Variants in PLEKHA8 observed in about 807,000 individuals in gnomAD.
The protein encoded by PLEKHA8 is pleckstrin homology domain-containing family A member 8.
PLEKHA8 carries 36 observed loss-of-function variants against 68.2 expected under a neutral mutation model. The ratio of observed to expected loss-of-function variants is 0.53; its 90% confidence interval spans 0.40 to 0.70. The LOEUF (loss-of-function observed/expected upper bound fraction) is 0.70. PLEKHA8 is among the 30% of genes least tolerant of loss of function. The pLI is 0.00. For missense variants in PLEKHA8, 505 were observed against 615.4 expected (o/e 0.82, Z 1.90); for synonymous variants, 211 against 216.1 (o/e 0.98, Z 0.20).
At chr7:30,118,192 C>T in intron 13 of PLEKHA8, 1 of 467,384 alleles carries the variant, frequency 2.1e-6, no homozygotes, top group Non-Finnish European at 3.6e-6. Flanking sequence ...GTGAGAGTAT[C>T]CTGAGTTAAG....
In PLEKHA8 at chr7:30,095,974, G is replaced by T. The variant is rs958153390; in HGVS notation, c.1362+21842G>T. Among the ~76,000 whole-genome samples, 53 of 152,214 alleles carry T rather than the reference G, an allele frequency of 3.5e-4. 1 individual carries two copies. Among genetic ancestry groups the T allele is most frequent in the Middle Eastern group, 3.4e-3 (1 of 294 alleles). On this transcript the variant is annotated intron_variant, in intron 13 of 13. Transcript: ENST00000396257. ...CAGGTAGCGTGATGCCTCCAGCTTT[G>T]TTTTTTTGGCTTAGGATTGACTTGG...
Position 30,065,713 on chromosome 7 carries a change from CACTT to C in PLEKHA8, c.1300+2974_1300+2977del, listed in dbSNP as rs149017841. Among the ~76,000 whole-genome samples the C allele has an allele frequency of 1.8e-3, 271 of 152,280 alleles. 3 individuals are homozygous for C. In the East Asian group the frequency reaches 0.031, roughly 18 times the overall value. On this transcript the variant is annotated intron_variant, in intron 12 of 13. Transcript: ENST00000449726. ...TAAAGTTGAATTTAAAAACAGCTAT[CACTT>C]ACAGAGCACCCAGTGTAACTACTAC...
At chr7:30,041,479 G>A (rs1791531035) in intron 1 of PLEKHA8, among the ~76,000 whole-genome samples, 1 of 149,598 alleles carries the variant, frequency 6.7e-6, no homozygotes, top group Admixed American at 6.7e-5. Context: ...GAGTGCAGTG[G>A]CGTGATCATA....
intron 13 of PLEKHA8, among the ~76,000 whole-genome samples, chr7:30,098,417 C>A (rs1026644253): frequency 2.0e-5 from 3 of 152,260 alleles, no homozygotes; most frequent in African/African-American, 7.2e-5. Flanking sequence ...GTGCCCTGCC[C>A]CCAGAGGTGG....
At chr7:30,114,845 C>G (rs901000176) in intron 13 of PLEKHA8, among the ~76,000 whole-genome samples, 1 of 152,078 alleles carries the variant, frequency 6.6e-6, no homozygotes, top group Admixed American at 6.6e-5. Flanking sequence ...CATCATGGTT[C>G]CTGGACCATC....
intron 13 of PLEKHA8, among the ~76,000 whole-genome samples, chr7:30,119,892 A>G (rs1024721511): frequency 6.6e-6 from 1 of 152,212 alleles, no homozygotes; most frequent in Non-Finnish European, 1.5e-5. Flanking sequence ...GACACTAAAT[A>G]TAACTCTTTC....
chr7:30,095,471 A>G (rs1795576739), downstream of PLEKHA8, among the ~76,000 whole-genome samples: 1 of 152,174 alleles, frequency 6.6e-6, no homozygotes, highest in South Asian at 2.1e-4. Flanking sequence ...CCCATTCTGT[A>G]GGTTGCCTGT....
At chr7:30,044,020 TAGTC>T (rs1411986811) in intron 1 of PLEKHA8, among the ~76,000 whole-genome samples, 1 of 150,900 alleles carries the variant, frequency 6.6e-6, no homozygotes, top group Non-Finnish European at 1.5e-5. Flanking sequence ...TACGCAGAGA[TAGTC>T]AGGGATGATT....
intron 13 of PLEKHA8, among the ~76,000 whole-genome samples, chr7:30,107,683 C>G (rs12701006): frequency 6.6e-6 from 1 of 152,114 alleles, no homozygotes; most frequent in Non-Finnish European, 1.5e-5. Context: ...GCTATAGGTT[C>G]TTTGGTAGCT....
At chr7:30,102,786 A>C (rs142121565) in intron 13 of PLEKHA8, among the ~76,000 whole-genome samples, 324 of 152,356 alleles carry the variant, frequency 2.1e-3, no homozygotes, top group African/African-American at 7.5e-3. Flanking sequence ...GGTGGCTCAC[A>C]CTTTAATCCC....
chr7:30,031,060 T>G (rs914851265), intron 1 of PLEKHA8, among the ~76,000 whole-genome samples: 3 of 152,208 alleles, frequency 2.0e-5, no homozygotes, highest in Non-Finnish European at 4.4e-5. Flanking sequence ...TGGGATGCCT[T>G]GTGTCAAATT....
downstream of PLEKHA8, chr7:30,129,782 G>C (rs543486758): frequency 6.4e-6 from 1 of 156,468 alleles, no homozygotes; most frequent in Admixed American, 6.2e-5. Context: ...GAGAAAACTG[G>C]GGTTTGCAGG....
intron 7 of PLEKHA8, among the ~76,000 whole-genome samples, chr7:30,054,349 T>C (rs1176741744): frequency 2.0e-5 from 3 of 152,196 alleles, no homozygotes; most frequent in African/African-American, 2.4e-5. Flanking sequence ...CAAATACATA[T>C]AGAATGTGCT....
At chr7:30,106,132 C>T (rs774890130) in intron 13 of PLEKHA8, among the ~76,000 whole-genome samples, 9 of 149,754 alleles carry the variant, frequency 6.0e-5, no homozygotes, top group Non-Finnish European at 1.2e-4. Context: ...GATCTTGGTT[C>T]ACTGCAACCA....
chr7:30,065,774 T>G (rs191822488), intron 12 of PLEKHA8, among the ~76,000 whole-genome samples: 11 of 152,366 alleles, frequency 7.2e-5, no homozygotes, highest in African/African-American at 4.8e-5. Flanking sequence ...TTATTTAATC[T>G]TCCAAATACT....
intron 1 of PLEKHA8, 125 bp downstream of exon 1, chr7:30,028,927 G>C (rs571033813): frequency 5.6e-6 from 6 of 1,077,474 alleles, no homozygotes; most frequent in Admixed American, 4.3e-5. Context: ...AGCGCGGAGC[G>C]GGAGTATTTC....
chr7:30,104,713 CTTTTTTTTTTT>C (rs34669397), intron 13 of PLEKHA8, among the ~76,000 whole-genome samples: 1,037 of 102,872 alleles, frequency 0.01, 22 homozygotes, highest in African/African-American at 0.034. Context: ...GTCACAACAG[CTTTTTTTTTTT>C]TTTTTTTTTT....
intron 13 of PLEKHA8, among the ~76,000 whole-genome samples, chr7:30,114,393 C>G (rs989180017): frequency 6.6e-6 from 1 of 152,214 alleles, no homozygotes; most frequent in Non-Finnish European, 1.5e-5. Flanking sequence ...CAAGGTCACC[C>G]AGGTGGTGGT....
At chr7:30,121,781 G>A (rs540669775) in intron 13 of PLEKHA8, among the ~76,000 whole-genome samples, 21 of 152,302 alleles carry the variant, frequency 1.4e-4, no homozygotes, top group East Asian at 1.3e-3. Flanking sequence ...AATAAGCAGG[G>A]TCAAAGATCC....
Sources: allele counts gnomAD v4.1 joint callset (sites outside exome capture counted in the v4.1 genomes callset), GRCh38; gene constraint gnomAD v4.1.1; transcripts MANE v1.5; gene names NCBI Gene and HGNC (gene_info 2026-07-23, HGNC 2026-07-21).